Variants in PCBP3 observed in about 807,000 individuals in gnomAD.
PCBP3 encodes poly(rC) binding protein 3, also known as poly(rC)-binding protein 3.
In PCBP3, 25 loss-of-function variants were observed where a neutral mutation model predicts 52.7. The observed-to-expected ratio is 0.47, with a 90% CI of 0.35 to 0.66. PCBP3 has a LOEUF of 0.66. Among genes scored for constraint, PCBP3 ranks in the 30% least tolerant of loss-of-function variants. The pLI, the probability that PCBP3 is intolerant of heterozygous loss-of-function variation, is 0.01. For missense variants in PCBP3, 391 were observed against 490.3 expected, an observed-to-expected ratio of 0.80 and a Z score of 1.91; for synonymous variants, 162 against 183.0, an observed-to-expected ratio of 0.89 and a Z score of 0.93.
At chr21:45,910,047 C>CG (rs2096333853) in intron 10 of PCBP3, among the ~76,000 whole-genome samples, 1 of 23,432 alleles carries the variant, frequency 4.3e-5, no homozygotes, top group Non-Finnish European at 7.9e-5. Flanking sequence ...ATATGGACCC[C>CG]CCCCACCACT....
chr21:45,768,151 G>C (rs2089529409), intron 4 of PCBP3, among the ~76,000 whole-genome samples: 1 of 152,242 alleles, frequency 6.6e-6, no homozygotes, highest in Non-Finnish European at 1.5e-5. Flanking sequence ...CTCACCCTTT[G>C]GTGGGGAGAG....
At chr21:45,764,051 G>C (rs2089003775) in intron 4 of PCBP3, among the ~76,000 whole-genome samples, 1 of 151,566 alleles carries the variant, frequency 6.6e-6, no homozygotes, top group African/African-American at 2.4e-5. Flanking sequence ...AAGCTGTCTA[G>C]CTCCTCCCTT....
intron 11 of PCBP3, among the ~76,000 whole-genome samples, chr21:45,912,118 C>T (rs547237191): frequency 2.6e-5 from 4 of 152,332 alleles, no homozygotes; most frequent in South Asian, 4.1e-4. Flanking sequence ...GCCTGCGTCC[C>T]GGTGCAGTGC....
At chr21:45,808,398 C>T (rs997653093) in intron 4 of PCBP3, among the ~76,000 whole-genome samples, 6 of 152,262 alleles carry the variant, frequency 3.9e-5, no homozygotes, top group South Asian at 2.1e-4. Flanking sequence ...ACAGTCACTT[C>T]TCAAAAGAAG....
Position 45,735,153 on chromosome 21 carries a change from C to T in PCBP3, c.-199-239C>T, listed in dbSNP as rs2085771790. ...GTTCAGGGACCCTGGGGTTCTGAGT[C>T]TTTATCAGTGTCGTGTATGTTCCAG... On this transcript the variant is annotated intron_variant, in intron 2 of 17. Transcript: ENST00000681687. This position sits in a 1 kb window ranked among gnomAD's most constrained non-coding sequence, Gnocchi z 4.0. Among the ~76,000 whole-genome samples, 1 of 152,202 alleles carries T rather than the reference C, an allele frequency of 6.6e-6. No individual in the cohort carries two copies. Among genetic ancestry groups the T allele is most frequent in the Non-Finnish European group, 1.5e-5 (1 of 68,032 alleles).
intron 4 of PCBP3, among the ~76,000 whole-genome samples, chr21:45,795,909 A>G (rs889399257): frequency 3.3e-5 from 5 of 152,226 alleles, no homozygotes; most frequent in Non-Finnish European, 7.3e-5. Flanking sequence ...AGCTGTTAAC[A>G]CTCTAAGAGA....
intron 3 of PCBP3, among the ~76,000 whole-genome samples, chr21:45,740,734 C>T (rs772239726): frequency 2.0e-5 from 3 of 150,242 alleles, no homozygotes; most frequent in African/African-American, 4.9e-5. Context: ...GGTGTGCACG[C>T]ATGCGTGTGT....
At chr21:45,891,944 G>A (rs1026199840) in intron 5 of PCBP3, among the ~76,000 whole-genome samples, 3 of 152,212 alleles carry the variant, frequency 2.0e-5, no homozygotes, top group African/African-American at 7.2e-5. Flanking sequence ...GAGTCAGGAC[G>A]TCCACACAGC....
In PCBP3 at chr21:45,861,384, G is replaced by A. The variant is rs117319129; in HGVS notation, c.10+11289G>A. On this transcript the variant is annotated intron_variant, in intron 5 of 17. Coordinates refer to ENST00000681687, the MANE Select transcript of PCBP3 (RefSeq NM_001384156.1). Reference sequence around the variant, plus strand: ...CAGGCCCACCCACACCAGCCTCAACGCTCAGTGTCCAGTCCTGCCCCAGCC... The same window carrying A: ...CAGGCCCACCCACACCAGCCTCAACACTCAGTGTCCAGTCCTGCCCCAGCC... 1.5e-3 allele frequency among the ~76,000 whole-genome samples: 233 copies of A among 152,164 alleles called. 5 individuals are homozygous for A. In the East Asian group the frequency reaches 0.041, roughly 27 times the overall value.
At chr21:45,812,525 C>T (rs548565035) in intron 4 of PCBP3, among the ~76,000 whole-genome samples, 190 of 152,296 alleles carry the variant, frequency 1.2e-3, no homozygotes, top group African/African-American at 4.5e-3. Context: ...CCTGCCTCAG[C>T]CTCCCGAGTA....
At chr21:45,792,786 T>G (rs1249943051) in intron 4 of PCBP3, among the ~76,000 whole-genome samples, 1 of 151,752 alleles carries the variant, frequency 6.6e-6, no homozygotes, top group Non-Finnish European at 1.5e-5. Context: ...ACTCAGGGAG[T>G]TGGAGAGGGC....
At chr21:45,678,237 C>T (rs1201079164) in intron 2 of PCBP3, among the ~76,000 whole-genome samples, 1 of 150,756 alleles carries the variant, frequency 6.6e-6, no homozygotes, top group Non-Finnish European at 1.5e-5. Context: ...ACCTGGGAGG[C>T]GGAGCTTGCA....
intron 4 of PCBP3, among the ~76,000 whole-genome samples, chr21:45,768,329 C>T (rs1311065168): frequency 6.6e-6 from 1 of 152,222 alleles, no homozygotes; most frequent in Non-Finnish European, 1.5e-5. Flanking sequence ...GAGACTCTCA[C>T]GTCTGTTATA....
At chr21:45,849,352 C>A (rs949994726) in intron 4 of PCBP3, among the ~76,000 whole-genome samples, 1 of 152,042 alleles carries the variant, frequency 6.6e-6, no homozygotes, top group Non-Finnish European at 1.5e-5. Flanking sequence ...ATTACAGGTG[C>A]CCGCCACCAC....
At chr21:45,905,877 G>T (rs1406820377) in intron 9 of PCBP3, among the ~76,000 whole-genome samples, 1 of 152,190 alleles carries the variant, frequency 6.6e-6, no homozygotes, top group Non-Finnish European at 1.5e-5. Context: ...CACAGGCCCT[G>T]CCTGATCACC....
intron 4 of PCBP3, among the ~76,000 whole-genome samples, chr21:45,839,281 C>T (rs2093651329): frequency 6.6e-6 from 1 of 152,170 alleles, no homozygotes; most frequent in African/African-American, 2.4e-5. Context: ...GTTCTCCCAC[C>T]TCTTCCTCCC....
intron 5 of PCBP3, among the ~76,000 whole-genome samples, chr21:45,895,622 C>A (rs1439745396): frequency 6.6e-6 from 1 of 152,254 alleles, no homozygotes; most frequent in East Asian, 1.9e-4. Context: ...ACGATGACTG[C>A]AGACAGCACT....
chr21:45,930,112 G>T (rs1464032230), intron 14 of PCBP3, 117 bp downstream of exon 14: 5 of 647,896 alleles, frequency 7.7e-6, no homozygotes, highest in Non-Finnish European at 1.0e-5. Flanking sequence ...GTGAGTGCCG[G>T]TGCTGCGGCG....
chr21:45,685,939 G>T (rs1056972197), intron 2 of PCBP3, among the ~76,000 whole-genome samples: 7 of 130,876 alleles, frequency 5.3e-5, no homozygotes, highest in African/African-American at 2.1e-4. Flanking sequence ...TTTTTTTTGA[G>T]ATGGAGTCTT....
Sources: allele counts gnomAD v4.1 joint callset (sites outside exome capture counted in the v4.1 genomes callset), GRCh38; gene constraint gnomAD v4.1.1; non-coding constraint Gnocchi (gnomAD v3.1); transcripts MANE v1.5; gene names NCBI Gene and HGNC (gene_info 2026-07-23, HGNC 2026-07-21).